MLIP: variants seen among roughly 807,000 people sequenced by gnomAD.
MLIP encodes muscular LMNA interacting protein, also known as muscular LMNA-interacting protein.
MLIP carries 79 observed loss-of-function variants against 84.8 expected under a neutral mutation model. That is an observed-to-expected ratio of 0.93 (90% CI 0.78 to 1.12). MLIP has a LOEUF of 1.12. Ranked by LOEUF, MLIP falls within the 50% of genes most tolerant of loss-of-function variation. MLIP has a pLI of 0.00. For synonymous variants in MLIP, 504 were observed against 463.0 expected (o/e 1.09, Z -1.14); for missense variants, 1,257 against 1,160.6 (o/e 1.08, Z -1.21).
At chr6:54,120,357 C>G (rs1303750333) in intron 1 of MLIP, among the ~76,000 whole-genome samples, 1 of 152,102 alleles carries the variant, frequency 6.6e-6, no homozygotes, top group African/African-American at 2.4e-5. Context: ...GCTTCAGCCT[C>G]CTGAGTAGCT....
chr6:54,030,967 A>C (rs2150282398), intron 1 of MLIP, among the ~76,000 whole-genome samples: 1 of 152,340 alleles, frequency 6.6e-6, no homozygotes, highest in Non-Finnish European at 1.5e-5. Context: ...ATACAAGGAA[A>C]TGTAAAGGCC....
chr6:54,082,825 A>T (rs916893949), intron 1 of MLIP, among the ~76,000 whole-genome samples: 1 of 141,362 alleles, frequency 7.1e-6, no homozygotes, highest in African/African-American at 3.2e-5. Flanking sequence ...TATTTTATTT[A>T]AAAAAACTGA....
chr6:54,168,738 G>T (rs1394005233), intron 8 of MLIP, among the ~76,000 whole-genome samples: 1 of 151,122 alleles, frequency 6.6e-6, no homozygotes, highest in Non-Finnish European at 1.5e-5. Context: ...ATTGATAATT[G>T]TTAATTTAAA....
intron 12 of MLIP, among the ~76,000 whole-genome samples, chr6:54,232,184 C>T (rs1260343043): frequency 6.6e-6 from 1 of 151,932 alleles, no homozygotes; most frequent in African/African-American, 2.4e-5. Flanking sequence ...CCATGAAATA[C>T]ATTTAGTTAT....
intron 12 of MLIP, among the ~76,000 whole-genome samples, chr6:54,251,719 T>A (rs1434008185): frequency 3.0e-5 from 3 of 101,048 alleles, no homozygotes; most frequent in Admixed American, 1.4e-4. Flanking sequence ...ACATATATAT[T>A]ATAACATATG....
At chr6:54,138,495 T>C (rs1772021503) in intron 4 of MLIP, among the ~76,000 whole-genome samples, 1 of 152,186 alleles carries the variant, frequency 6.6e-6, no homozygotes, top group Non-Finnish European at 1.5e-5. Flanking sequence ...TCAAATCCTT[T>C]GATTTTGAAA....
chr6:54,120,382 C>T (rs573171765), intron 1 of MLIP, among the ~76,000 whole-genome samples: 1 of 144,568 alleles, frequency 6.9e-6, no homozygotes, highest in Non-Finnish European at 1.5e-5. Context: ...CTACAGGCGC[C>T]TGCCACCACG....
At chr6:54,196,359 C>T (rs909437244) in intron 10 of MLIP, among the ~76,000 whole-genome samples, 4 of 152,100 alleles carry the variant, frequency 2.6e-5, no homozygotes, top group African/African-American at 9.7e-5. Flanking sequence ...CCACAACAGG[C>T]CTCTGTGTGT....
chr6:54,089,704 T>C (rs1767734823), intron 1 of MLIP, among the ~76,000 whole-genome samples: 1 of 152,132 alleles, frequency 6.6e-6, no homozygotes, highest in Non-Finnish European at 1.5e-5. Context: ...TGCTAAAACC[T>C]GAGTTGAGCC....
chr6:54,240,541 T>C (rs933840288), intron 12 of MLIP, among the ~76,000 whole-genome samples: 2 of 152,252 alleles, frequency 1.3e-5, no homozygotes, highest in African/African-American at 4.8e-5. Context: ...TAAATGTTAT[T>C]GTGCCACACA....
chr6:54,217,020 G>A (rs1779901549), intron 11 of MLIP: 17 of 985,296 alleles, frequency 1.7e-5, no homozygotes, highest in Non-Finnish European at 2.0e-5. Flanking sequence ...TTAAACTGCT[G>A]TAAGTTCTAG....
chr6:54,072,540 GA>G (rs1766550770), intron 1 of MLIP, among the ~76,000 whole-genome samples: 1 of 152,160 alleles, frequency 6.6e-6, no homozygotes. Context: ...CTCTGTTTCA[GA>G]ATGACACTAT....
At chr6:54,162,710 G>A (rs574950025) in intron 8 of MLIP, among the ~76,000 whole-genome samples, 1 of 152,080 alleles carries the variant, frequency 6.6e-6, no homozygotes, top group South Asian at 2.1e-4. Flanking sequence ...AGGAAGAGCT[G>A]TATAGTGGCA....
At chr6:54,128,601 G>A (rs1771121575) in intron 3 of MLIP, among the ~76,000 whole-genome samples, 1 of 152,070 alleles carries the variant, frequency 6.6e-6, no homozygotes. Context: ...TGGTGACCTT[G>A]GTGGGAACAG....
At chr6:54,207,133 G>C (rs1779085114) in intron 11 of MLIP, among the ~76,000 whole-genome samples, 1 of 150,978 alleles carries the variant, frequency 6.6e-6, no homozygotes, top group Admixed American at 6.6e-5. Context: ...TCTAAGTTTT[G>C]CCATGTTTTT....
intron 1 of MLIP, among the ~76,000 whole-genome samples, chr6:54,089,298 A>G (rs556506049): frequency 6.6e-6 from 1 of 152,300 alleles, no homozygotes; most frequent in South Asian, 2.1e-4. Flanking sequence ...ACCTATTTTC[A>G]GGATATAAAT....
At chr6:54,091,570 G>T (rs573863411) in intron 1 of MLIP, among the ~76,000 whole-genome samples, 3 of 152,096 alleles carry the variant, frequency 2.0e-5, no homozygotes, top group Non-Finnish European at 4.4e-5. Context: ...AGGAAAGGTG[G>T]GTTTTCAAGA....
At chr6:54,109,727 A>G (rs1031877353), upstream of MLIP, among the ~76,000 whole-genome samples, 1 of 152,074 alleles carries the variant, frequency 6.6e-6, no homozygotes, top group African/African-American at 2.4e-5. Flanking sequence ...GTAACACACC[A>G]GCAGCAGATC....
intron 1 of MLIP, among the ~76,000 whole-genome samples, chr6:54,048,346 C>T (rs1479951836): frequency 6.6e-6 from 1 of 152,124 alleles, no homozygotes; most frequent in African/African-American, 2.4e-5. Flanking sequence ...GGTGATGGTC[C>T]TGTAGCCAGG....
Sources: allele counts gnomAD v4.1 joint callset (sites outside exome capture counted in the v4.1 genomes callset), GRCh38; gene constraint gnomAD v4.1.1; transcripts MANE v1.5; gene names NCBI Gene and HGNC (gene_info 2026-07-23, HGNC 2026-07-21).